GTF3C6: variants seen among roughly 807,000 people sequenced by gnomAD.
GTF3C6 encodes the protein general transcription factor IIIC subunit 6.
A neutral mutation model predicts 19.2 loss-of-function variants in GTF3C6; 11 were observed. The observed-to-expected ratio is 0.57, with a 90% CI of 0.36 to 0.95. The LOEUF (loss-of-function observed/expected upper bound fraction) is 0.95, where lower values mean the gene tolerates loss of function less well. Among genes scored for constraint, GTF3C6 ranks in the 40% least tolerant of loss-of-function variants. The pLI is 0.01. For synonymous variants in GTF3C6, 87 were observed against 84.2 expected, an observed-to-expected ratio of 1.03 and a Z score of -0.18; for missense variants, 222 against 254.7, an observed-to-expected ratio of 0.87 and a Z score of 0.87.
intron 5 of GTF3C6, among the ~76,000 whole-genome samples, chr6:110,963,929 T>G (rs966994934): frequency 1.3e-5 from 2 of 152,080 alleles, no homozygotes; most frequent in Admixed American, 1.3e-4. Context: ...CTTGAACTCC[T>G]GACCTCAGAT....
chr6:110,960,650 G>C (rs371115082), intron 4 of GTF3C6, 34 bp downstream of exon 4: 2 of 1,510,886 alleles, frequency 1.3e-6, no homozygotes, highest in African/African-American at 2.8e-5. Context: ...TTTTTAATAC[G>C]AACTATTTCA....
At chr6:110,958,940 C>A in intron 1 of GTF3C6, 114 bp downstream of exon 1, 4 of 1,235,284 alleles carry the variant, frequency 3.2e-6, no homozygotes, top group Admixed American at 2.6e-5. Context: ...CACTGCTCCT[C>A]ACCGGCTTCT....
chr6:110,959,318 G>A (rs1046370847), intron 2 of GTF3C6, 66 bp downstream of exon 2: 4 of 933,314 alleles, frequency 4.3e-6, no homozygotes, highest in Non-Finnish European at 7.0e-6. Flanking sequence ...AATCAATGGT[G>A]AAATACCTAT....
At chr6:110,961,922 G>C (rs1473773830) in intron 4 of GTF3C6, among the ~76,000 whole-genome samples, 1 of 132,328 alleles carries the variant, frequency 7.6e-6, no homozygotes, top group African/African-American at 2.9e-5. Flanking sequence ...TTTTTTTCTT[G>C]AGACAGTTTT....
chr6:110,958,856 CG>C (rs747493004), intron 1 of GTF3C6, 30 bp downstream of exon 1: 1 of 1,547,554 alleles, frequency 6.5e-7, no homozygotes, highest in African/African-American at 1.4e-5. Context: ...AAGCCTGCAC[CG>C]CAGTGGCGGT....
At chr6:110,963,576 G>A (rs1356903423) in intron 5 of GTF3C6, among the ~76,000 whole-genome samples, 1 of 151,990 alleles carries the variant, frequency 6.6e-6, no homozygotes, top group African/African-American at 2.4e-5. Context: ...GATGTGTGGG[G>A]GGAAAAAACT....
At position 110,959,165 on chromosome 6, in the gene GTF3C6, T is replaced by A; in HGVS notation, c.58-7T>A. 1.2e-6 allele frequency: 2 copies of A among 1,600,930 alleles called. No individual in the cohort carries two copies. The highest frequency in any genetic ancestry group is 1.7e-6 in the Non-Finnish European group (2 of 1,168,172). ...GCTAGCATGTTAACCCCTCTTTCTT[T>A]CACCAGGAGCAGTTGGTTCTGGTGG... On this transcript the variant is annotated splice_polypyrimidine_tract_variant and splice_region_variant and intron_variant, in intron 1 of 5. Transcript: ENST00000329970.
chr6:110,958,745 C>T lies in GTF3C6; in HGVS notation c.-25C>T, dbSNP rs1562357380. The T allele has an allele frequency of 3.9e-6, 6 of 1,550,370 alleles. No individual in the cohort carries two copies. Among genetic ancestry groups the T allele is most frequent in the Non-Finnish European group, 5.2e-6 (6 of 1,146,848 alleles). The stretch of plus-strand genomic sequence containing the variant: ...GGCTCCGGGCGGGCGTGGCCAGTGA[C>T]TAGAAGGCGAGGCGCCGCGGGACCA... On this transcript the variant is annotated 5_prime_UTR_variant, in exon 1 of 6. Transcript: ENST00000329970.
intron 5 of GTF3C6, among the ~76,000 whole-genome samples, chr6:110,966,918 G>A (rs1771237034): frequency 6.6e-6 from 1 of 152,116 alleles, no homozygotes; most frequent in South Asian, 2.1e-4. Context: ...ACTTTGGGAG[G>A]TGAGGCGGGT....
chr6:110,959,374 C>CT, intron 2 of GTF3C6, 122 bp downstream of exon 2: 1 of 662,016 alleles, frequency 1.5e-6, no homozygotes, highest in East Asian at 2.7e-5. Context: ...GTAGTGAACT[C>CT]TAAGGATAAG....
chr6:110,961,012 C>T (rs866742324), intron 4 of GTF3C6, among the ~76,000 whole-genome samples: 4 of 151,662 alleles, frequency 2.6e-5, no homozygotes, highest in Non-Finnish European at 5.9e-5. Context: ...CACCAGTGCA[C>T]TTCAGCCTGG....
chr6:110,958,960 G>A lies in GTF3C6; in HGVS notation c.57+134G>A, dbSNP rs73763435. 6.7e-4 allele frequency: 730 copies of A among 1,082,404 alleles called. 3 individuals carry two copies. The African/African-American group carries it at 0.011, about 16-fold the overall frequency. 67.0% of individuals were successfully genotyped at this position (1,082,404 alleles called of 1,614,324 possible). On this transcript the variant is annotated intron_variant, in intron 1 of 5. Transcript: ENST00000329970. Reference sequence around the variant, plus strand: ...CTCCTCACCGGCTTCTTGCTCCTGGGCGCGAGGAGCCGGGCAGCTTGGGAC... The same window carrying A: ...CTCCTCACCGGCTTCTTGCTCCTGGACGCGAGGAGCCGGGCAGCTTGGGAC...
chr6:110,966,794 G>A (rs1771234012), intron 5 of GTF3C6, among the ~76,000 whole-genome samples: 1 of 151,988 alleles, frequency 6.6e-6, no homozygotes, highest in African/African-American at 2.4e-5. Context: ...GAGTCTGGCT[G>A]ACTAGGAGAA....
At chr6:110,958,981 G>A (rs183032468) in intron 1 of GTF3C6, 155 bp downstream of exon 1, 1 of 934,534 alleles carries the variant, frequency 1.1e-6, no homozygotes, top group Non-Finnish European at 1.6e-6. Flanking sequence ...CGGGCAGCTT[G>A]GGACCTTAGC....
chr6:110,964,325 A>G (rs1288639238), intron 5 of GTF3C6, among the ~76,000 whole-genome samples: 5 of 151,036 alleles, frequency 3.3e-5, no homozygotes, highest in Admixed American at 1.3e-4. Flanking sequence ...GCTTACTGCA[A>G]CCTCCACCTC....
intron 2 of GTF3C6, 133 bp downstream of exon 2, chr6:110,959,385 A>C: frequency 1.7e-6 from 1 of 596,246 alleles, no homozygotes; most frequent in Non-Finnish European, 2.9e-6. Flanking sequence ...TAAGGATAAG[A>C]AGTATACTAA....
chr6:110,965,006 A>G (rs1771212844), intron 5 of GTF3C6, among the ~76,000 whole-genome samples: 1 of 150,172 alleles, frequency 6.7e-6, no homozygotes. Flanking sequence ...CTAATTTTGT[A>G]TTTTTAGTAG....
chr6:110,966,880 C>T (rs777560346), intron 5 of GTF3C6, among the ~76,000 whole-genome samples: 3 of 152,028 alleles, frequency 2.0e-5, no homozygotes, highest in African/African-American at 4.8e-5. Context: ...AATAACCAGG[C>T]GCAGTGGGTC....
At chr6:110,964,856 G>A (rs543850371) in intron 5 of GTF3C6, among the ~76,000 whole-genome samples, 9 of 139,020 alleles carry the variant, frequency 6.5e-5, no homozygotes, top group African/African-American at 2.2e-4. Context: ...TTTTGGAGAC[G>A]AATTTCGCTC....
Sources: allele counts gnomAD v4.1 joint callset (sites outside exome capture counted in the v4.1 genomes callset), GRCh38; gene constraint gnomAD v4.1.1; transcripts MANE v1.5; gene names NCBI Gene and HGNC (gene_info 2026-07-23, HGNC 2026-07-21).